NBAS: variants seen among roughly 807,000 people sequenced by gnomAD.
NBAS encodes the protein NBAS subunit of NRZ tethering complex.
A neutral mutation model predicts 302.5 loss-of-function variants in NBAS; 219 were observed. That is an observed-to-expected ratio of 0.72 (90% CI 0.65 to 0.81). The LOEUF is 0.81. Among genes scored for constraint, NBAS ranks in the 30% least tolerant of loss-of-function variants. NBAS has a pLI of 0.00. For synonymous variants in NBAS, 1,118 were observed against 1,021.6 expected, an observed-to-expected ratio of 1.09 and a Z score of -1.80; for missense variants, 2,932 against 2,841.6, an observed-to-expected ratio of 1.03 and a Z score of -0.72.
At chr2:15,135,064 T>G in the NBAS span, among the ~76,000 whole-genome samples, 1 of 152,204 alleles carries the variant, frequency 6.6e-6, no homozygotes, top group South Asian at 2.1e-4. Flanking sequence ...TATGGAGAAT[T>G]AAGCTCATTC....
chr2:15,345,495 A>T (rs1331840396), intron 35 of NBAS, among the ~76,000 whole-genome samples: 1 of 152,238 alleles, frequency 6.6e-6, no homozygotes, highest in Non-Finnish European at 1.5e-5. Context: ...GCTCAAGGAA[A>T]TAAGAGAGGA....
chr2:14,975,160 C>G, the NBAS span, among the ~76,000 whole-genome samples: 1 of 152,146 alleles, frequency 6.6e-6, no homozygotes, highest in Non-Finnish European at 1.5e-5. Flanking sequence ...TAGATAAGAG[C>G]TTAGGCCAGC....
At chr2:14,836,357 A>G in the NBAS span, among the ~76,000 whole-genome samples, 6 of 151,936 alleles carry the variant, frequency 3.9e-5, no homozygotes, top group African/African-American at 1.4e-4. Flanking sequence ...TTTTTAAATA[A>G]GCTACCCCAA....
Position 15,167,237 on chromosome 2 carries a change from A to G in NBAS, c.6927T>C (p.Tyr2309=), listed in dbSNP as rs1391727847. 1 of 1,614,128 alleles carries G rather than the reference A, an allele frequency of 6.2e-7. No homozygotes were observed. The highest frequency in any genetic ancestry group is 8.5e-7 in the Non-Finnish European group (1 of 1,180,050). ...CCAAGAGGTGGTCAACAATACGTGGATAGAAGGGAGTGGAGACACACTTCA... is the reference window on the plus strand; with the variant it reads ...CCAAGAGGTGGTCAACAATACGTGGGTAGAAGGGAGTGGAGACACACTTCA... ...LLVKCVSTPF[Y]PRIVDHLLAS... Residue 2309 remains tyrosine (Y), a synonymous_variant, in exon 52 of 52, where the codon TAT becomes TAC. Transcript: ENST00000281513.
chr2:15,316,130 T>C (rs1402099663), intron 38 of NBAS, among the ~76,000 whole-genome samples: 2 of 152,226 alleles, frequency 1.3e-5, no homozygotes, highest in South Asian at 2.1e-4. Flanking sequence ...AAACCTGCTC[T>C]ACATTTAGCA....
At chr2:14,882,488 C>G in the NBAS span, among the ~76,000 whole-genome samples, 1 of 152,122 alleles carries the variant, frequency 6.6e-6, no homozygotes, top group Non-Finnish European at 1.5e-5. Context: ...TTCTAGGGTT[C>G]CACCCTTGAC....
chr2:15,398,542 T>C (rs938442117), intron 26 of NBAS, among the ~76,000 whole-genome samples: 1 of 152,198 alleles, frequency 6.6e-6, no homozygotes, highest in Admixed American at 6.5e-5. Context: ...ACGAACACAA[T>C]GAGTAAAGTT....
At chr2:14,941,816 T>A in the NBAS span, among the ~76,000 whole-genome samples, 1 of 152,236 alleles carries the variant, frequency 6.6e-6, no homozygotes, top group Non-Finnish European at 1.5e-5. Context: ...TCCTTCCACA[T>A]CCTTGATTAT....
chr2:15,149,411 C>A, the NBAS span, among the ~76,000 whole-genome samples: 1 of 152,228 alleles, frequency 6.6e-6, no homozygotes, highest in Non-Finnish European at 1.5e-5. Flanking sequence ...CAGCACAAAA[C>A]AGACTAAGAC....
rs369517598 is a variant in NBAS at position 15,548,047 on chromosome 2, T to C, written c.379+3446A>G. On this transcript the variant is annotated intron_variant, in intron 6 of 51. Transcript: ENST00000281513. ...TTCCACAAATTTATACATGGATCTCTATAATATGTATAATATAGACAGTAT... is the reference window on the plus strand; with the variant it reads ...TTCCACAAATTTATACATGGATCTCCATAATATGTATAATATAGACAGTAT... 1.9e-3 allele frequency among the ~76,000 whole-genome samples: 286 copies of C among 152,322 alleles called. 5 individuals are homozygous for C. The South Asian group carries it at 0.05, about 26-fold the overall frequency.
At chr2:14,883,184 C>T in the NBAS span, among the ~76,000 whole-genome samples, 1 of 152,274 alleles carries the variant, frequency 6.6e-6, no homozygotes, top group Middle Eastern at 3.4e-3. Flanking sequence ...TGAAAAGAAG[C>T]TTCAAGGTGT....
intron 2 of NBAS, among the ~76,000 whole-genome samples, chr2:15,557,954 CA>C (rs1356120057): frequency 1.3e-5 from 2 of 152,104 alleles, no homozygotes; most frequent in Non-Finnish European, 2.9e-5. Flanking sequence ...TATCTCTGAC[CA>C]GATCTATCTG....
chr2:15,246,924 G>A (rs1293634955), intron 44 of NBAS, among the ~76,000 whole-genome samples: 2 of 152,198 alleles, frequency 1.3e-5, no homozygotes, highest in African/African-American at 4.8e-5. Context: ...CTACAACAGG[G>A]TAAACACAAG....
chr2:15,333,793 C>T (rs1390336310), intron 35 of NBAS, among the ~76,000 whole-genome samples: 2 of 128,520 alleles, frequency 1.6e-5, no homozygotes, highest in African/African-American at 3.0e-5. Context: ...AAGTCAGTAA[C>T]AGATAAACTA....
intron 16 of NBAS, 26 bp downstream of exon 16, chr2:15,473,193 TACC>T (rs751316715): frequency 3.7e-6 from 6 of 1,611,908 alleles, no homozygotes; most frequent in East Asian, 2.2e-5. Flanking sequence ...ATATACATTT[TACC>T]ACATTACCAA....
chr2:15,110,764 G>A, the NBAS span, among the ~76,000 whole-genome samples: 1 of 152,108 alleles, frequency 6.6e-6, no homozygotes, highest in Non-Finnish European at 1.5e-5. Context: ...TTCCCTTGTT[G>A]ACAAGTCCTC....
At chr2:14,976,548 T>C in the NBAS span, among the ~76,000 whole-genome samples, 1 of 152,214 alleles carries the variant, frequency 6.6e-6, no homozygotes, top group Non-Finnish European at 1.5e-5. Context: ...TCTTTCCAAG[T>C]TAAGTGTATT....
At chr2:15,439,210 G>A (rs924951133) in intron 21 of NBAS, among the ~76,000 whole-genome samples, 12 of 151,600 alleles carry the variant, frequency 7.9e-5, no homozygotes, top group African/African-American at 2.9e-4. Flanking sequence ...GGCTGAGGCA[G>A]GAGAATGGCG....
intron 38 of NBAS, among the ~76,000 whole-genome samples, chr2:15,323,580 G>C (rs550908104): frequency 4.1e-4 from 63 of 152,122 alleles, no homozygotes; most frequent in Non-Finnish European, 6.5e-4. Flanking sequence ...TATGAGCCAG[G>C]TGTGCTCTGG....
Sources: allele counts gnomAD v4.1 joint callset (sites outside exome capture counted in the v4.1 genomes callset), GRCh38; gene constraint gnomAD v4.1.1; transcripts MANE v1.5; gene names NCBI Gene and HGNC (gene_info 2026-07-23, HGNC 2026-07-21).